The following HUNK variants were observed in gnomAD, a reference collection of about 807,000 sequenced individuals.
HUNK encodes the protein hormonally up-regulated Neu-associated kinase.
A neutral mutation model predicts 61.0 loss-of-function variants in HUNK; 21 were observed. The observed-to-expected ratio is 0.34, with a 90% CI of 0.24 to 0.50. HUNK has a LOEUF of 0.50. HUNK is among the 20% of genes least tolerant of loss of function. HUNK has a pLI of 0.98. For synonymous variants in HUNK, 371 were observed against 386.1 expected (o/e 0.96, Z 0.46); for missense variants, 772 against 945.7 (o/e 0.82, Z 2.41).
intron 6 of HUNK, 56 bp downstream of exon 6, chr21:31,968,441 C>A: frequency 6.2e-7 from 1 of 1,601,322 alleles, no homozygotes; most frequent in African/African-American, 1.3e-5. Flanking sequence ...GTCCTACTAG[C>A]CCTGAGCAGT....
intron 8 of HUNK, among the ~76,000 whole-genome samples, chr21:31,989,729 A>AAAAAG (rs1555881807): frequency 2.6e-5 from 4 of 151,336 alleles, no homozygotes; most frequent in Non-Finnish European, 4.4e-5. Context: ...AAAAAAAAAA[A>AAAAAG]AAAAGCCTGG....
intron 1 of HUNK, among the ~76,000 whole-genome samples, chr21:31,922,812 C>T (rs60879753): frequency 0.062 from 9,393 of 152,146 alleles, 974 homozygotes; most frequent in African/African-American, 0.21. Context: ...GTACTTGTAC[C>T]TCTGTGTATG....
chr21:31,886,770 C>T (rs569567430), intron 1 of HUNK, among the ~76,000 whole-genome samples: 51 of 151,978 alleles, frequency 3.4e-4, no homozygotes, highest in Non-Finnish European at 6.9e-4. Flanking sequence ...TTCAGCCTCT[C>T]GAGTAGCTGA....
intron 7 of HUNK, among the ~76,000 whole-genome samples, chr21:31,978,700 G>T (rs7280810): frequency 0.49 from 73,926 of 151,864 alleles, 18,636 homozygotes; most frequent in South Asian, 0.6. Context: ...ATTATATATA[G>T]GTACCACACA....
chr21:31,958,338 G>A (rs1473537140), intron 4 of HUNK, among the ~76,000 whole-genome samples: 3 of 151,334 alleles, frequency 2.0e-5, no homozygotes, highest in Non-Finnish European at 2.9e-5. Context: ...CACTCTTGAC[G>A]CTCAGGCTGG....
chr21:31,972,311 T>G (rs2053017108), intron 6 of HUNK, among the ~76,000 whole-genome samples: 1 of 152,164 alleles, frequency 6.6e-6, no homozygotes. Context: ...TATCTAGTAT[T>G]CTGGAACATT....
At chr21:31,935,881 C>A (rs2052730246) in intron 2 of HUNK, among the ~76,000 whole-genome samples, 1 of 152,096 alleles carries the variant, frequency 6.6e-6, no homozygotes, top group East Asian at 1.9e-4. Flanking sequence ...CGCAGTGGCA[C>A]AATTTTGGCT....
chr21:31,992,544 C>T (rs912560839), intron 9 of HUNK, among the ~76,000 whole-genome samples: 6 of 152,148 alleles, frequency 3.9e-5, no homozygotes, highest in Admixed American at 6.5e-5. Context: ...TGCGAGAGGG[C>T]GGGCTTCGAA....
chr21:31,954,548 A>G (rs970980118), intron 4 of HUNK, among the ~76,000 whole-genome samples: 2 of 152,188 alleles, frequency 1.3e-5, no homozygotes. Flanking sequence ...GTTTTGTGGG[A>G]AGGGAATGGC....
At chr21:31,909,943 G>GAGCCGGC (rs997485233) in intron 1 of HUNK, among the ~76,000 whole-genome samples, 1 of 152,178 alleles carries the variant, frequency 6.6e-6, no homozygotes, top group Non-Finnish European at 1.5e-5. Context: ...GCTTGGGCTG[G>GAGCCGGC]AGCCGGGAGC....
At position 31,901,342 on chromosome 21, in the gene HUNK, G is replaced by A. The variant is rs1158212334; in HGVS notation, c.262-23126G>A. Among the ~76,000 whole-genome samples, 5 of 152,152 alleles carry A rather than the reference G, an allele frequency of 3.3e-5. No individual in the cohort carries two copies. The East Asian group carries it at 9.6e-4, about 29-fold the overall frequency. On this transcript the variant is annotated intron_variant, in intron 1 of 10. Coordinates refer to ENST00000270112, the MANE Select transcript of HUNK (RefSeq NM_014586.2). ...AGAGATACACCCTCAGTGGTGAGTA[G>A]AAGGGTGTGACCATCTTCACCTGTA...
intron 7 of HUNK, among the ~76,000 whole-genome samples, chr21:31,975,455 G>T (rs1190480053): frequency 6.6e-6 from 1 of 152,340 alleles, no homozygotes; most frequent in Middle Eastern, 3.4e-3. Context: ...TCTGCATACA[G>T]CAGCTCATGC....
chr21:31,983,779 G>A (rs1013176801), intron 8 of HUNK, among the ~76,000 whole-genome samples, 170 bp downstream of exon 8: 3 of 152,180 alleles, frequency 2.0e-5, no homozygotes, highest in Admixed American at 6.5e-5. Context: ...CAGCTTTGCG[G>A]TGTCTAAACC....
chr21:31,963,892 G>C (rs963472299), intron 5 of HUNK, among the ~76,000 whole-genome samples: 4 of 152,186 alleles, frequency 2.6e-5, no homozygotes, highest in Non-Finnish European at 4.4e-5. Flanking sequence ...GTTGAAAACA[G>C]CATTATTGCC....
At chr21:31,914,864 A>T (rs1192956625) in intron 1 of HUNK, among the ~76,000 whole-genome samples, 1 of 152,150 alleles carries the variant, frequency 6.6e-6, no homozygotes, top group African/African-American at 2.4e-5. Flanking sequence ...CTCTTTAAAT[A>T]CAGTCACGTT....
At chr21:31,964,660 G>T (rs1359658761) in intron 5 of HUNK, among the ~76,000 whole-genome samples, 1 of 152,158 alleles carries the variant, frequency 6.6e-6, no homozygotes. Flanking sequence ...GGGTTTTCAG[G>T]ACCCTAAAAC....
Position 31,960,125 on chromosome 21 carries a change from C to T in HUNK, c.874+1155C>T, listed in dbSNP as rs560913818. Among the ~76,000 whole-genome samples, 10 of 152,244 alleles carry T rather than the reference C, an allele frequency of 6.6e-5. No homozygotes were observed. In the South Asian group the frequency reaches 8.3e-4, roughly 13 times the overall value. On this transcript the variant is annotated intron_variant, in intron 5 of 10. Transcript: ENST00000270112. ...TGCGGCAGAGCACTCTGAGGTGTGC[C>T]CATTCATTCATTCATTCCATATTTC...
At chr21:31,966,013 A>T (rs2123847214) in intron 5 of HUNK, among the ~76,000 whole-genome samples, 1 of 152,282 alleles carries the variant, frequency 6.6e-6, no homozygotes, top group Non-Finnish European at 1.5e-5. Context: ...CCATCGCCTG[A>T]GCAGTGTACA....
intron 1 of HUNK, among the ~76,000 whole-genome samples, chr21:31,896,044 G>A (rs189074157): frequency 2.0e-4 from 28 of 139,892 alleles, no homozygotes; most frequent in South Asian, 7.3e-4. Context: ...ACAGATGTGC[G>A]CACACACAGA....
Sources: gnomAD v4.1 joint callset for allele counts (sites outside exome capture counted in the v4.1 genomes callset) on GRCh38, gnomAD v4.1.1 for gene constraint, MANE v1.5 for transcripts, NCBI Gene and HGNC (gene_info 2026-07-23, HGNC 2026-07-21) for gene names.